The following MCPH1 variants were observed in gnomAD, a reference collection of about 807,000 sequenced individuals.
MCPH1 encodes microcephalin 1, also known as microcephalin.
A neutral mutation model predicts 84.5 loss-of-function variants in MCPH1; 104 were observed. That is an observed-to-expected ratio of 1.23 (90% CI 1.05 to 1.45). The LOEUF (loss-of-function observed/expected upper bound fraction) is 1.45, where lower values mean the gene tolerates loss of function less well. Ranked by LOEUF, MCPH1 falls within the 40% of genes most tolerant of loss-of-function variation. MCPH1 has a pLI of 0.00. For synonymous variants in MCPH1, 514 were observed against 366.8 expected (o/e 1.40, Z -4.58); for missense variants, 1,498 against 1,005.7 (o/e 1.49, Z -6.62).
chr8:6,423,379 A>G (rs1390600496), intron 3 of MCPH1, among the ~76,000 whole-genome samples: 1 of 146,924 alleles, frequency 6.8e-6, no homozygotes, highest in African/African-American at 2.5e-5. Context: ...GTTAGCCAGG[A>G]TGGTCTCCAT....
rs1238407220 is a variant in MCPH1 at position 6,646,400 on chromosome 8, A to T, written c.*3351A>T. 1 of 152,248 alleles carries T rather than the reference A, an allele frequency of 6.6e-6. No homozygotes were observed. 9.4% of individuals were successfully genotyped at this position (152,248 alleles called of 1,614,324 possible). On this transcript the variant is annotated 3_prime_UTR_variant, in exon 14 of 14. Transcript: ENST00000344683. ...AAGAACAAAAGTATCACATTGGCAT[A>T]AGAATAGACATGTAAATCAAATAAC...
chr8:6,553,090 G>T (rs1308039091), intron 12 of MCPH1, among the ~76,000 whole-genome samples: 1 of 152,074 alleles, frequency 6.6e-6, no homozygotes, highest in African/African-American at 2.4e-5. Context: ...GATGTCAACT[G>T]CGGGCTCTGG....
rs149953617 is a variant in MCPH1 at position 6,474,493 on chromosome 8, G to C, written c.1936-3101G>C. 1.7e-4 allele frequency among the ~76,000 whole-genome samples: 26 copies of C among 152,102 alleles called. 1 individual carries two copies. The highest frequency in any genetic ancestry group is 1.4e-3 in the Admixed American group (22 of 15,280). ...AAAAAAATTGCACCACTGCACTCCA[G>C]CTAGGGCAACAGAGCAAGACCCTGT... On this transcript the variant is annotated intron_variant, in intron 9 of 13. Transcript: ENST00000344683.
chr8:6,513,639 C>A, intron 12 of MCPH1: 1 of 1,579,438 alleles, frequency 6.3e-7, no homozygotes, highest in Non-Finnish European at 8.6e-7. Context: ...GGCCACAAAT[C>A]TTTTAATTTT....
chr8:6,436,099 A>G lies in MCPH1; in HGVS notation c.373A>G (p.Lys125Glu). Residue 125 changes from lysine (K) to glutamate (E), a missense_variant, in exon 5 of 14, where the codon AAG (lysine) becomes GAG (glutamate). Coordinates refer to ENST00000344683, the MANE Select transcript of MCPH1 (RefSeq NM_024596.5). Reference protein sequence around the residue: ...DFNFKTPENDKRFQKKFEKMA... With the variant: ...DFNFKTPENDERFQKKFEKMA... Reference sequence around the variant, plus strand: ...TAATTTTAAAACACCAGAAAATGATAAGAGATTTCAGAAGAAATTTGAGAA... The same window carrying G: ...TAATTTTAAAACACCAGAAAATGATGAGAGATTTCAGAAGAAATTTGAGAA... 2 of 1,613,804 alleles carry G rather than the reference A, an allele frequency of 1.2e-6. No homozygotes were observed. Among genetic ancestry groups the G allele is most frequent in the Non-Finnish European group, 8.5e-7 (1 of 1,179,766 alleles).
At chr8:6,453,562 T>G (rs773887061) in intron 8 of MCPH1, among the ~76,000 whole-genome samples, 3 of 152,172 alleles carry the variant, frequency 2.0e-5, no homozygotes, top group Non-Finnish European at 4.4e-5. Context: ...AGCTGCAAAT[T>G]TATTCATGAC....
At chr8:6,499,095 T>TAAATAAATA in intron 11 of MCPH1, among the ~76,000 whole-genome samples, 1 of 137,826 alleles carries the variant, frequency 7.3e-6, no homozygotes, top group East Asian at 2.0e-4. Context: ...AATAAATAAA[T>TAAATAAATA]AAATAAAATA....
intron 12 of MCPH1, among the ~76,000 whole-genome samples, chr8:6,582,138 G>A (rs942820035): frequency 6.6e-6 from 1 of 152,188 alleles, no homozygotes; most frequent in African/African-American, 2.4e-5. Context: ...ACGTCTGAGT[G>A]GGAACAGGGG....
chr8:6,571,711 T>TA (rs1344497635), intron 12 of MCPH1, among the ~76,000 whole-genome samples: 5 of 152,094 alleles, frequency 3.3e-5, no homozygotes, highest in African/African-American at 7.2e-5. Flanking sequence ...GTCAAAGAAG[T>TA]AAAAAAAAGT....
chr8:6,493,554 CCTTT>C (rs1283802161), intron 11 of MCPH1, among the ~76,000 whole-genome samples: 1 of 152,138 alleles, frequency 6.6e-6, no homozygotes, highest in Non-Finnish European at 1.5e-5. Flanking sequence ...GCTTCCTGCC[CCTTT>C]CTTTATGAGA....
intron 12 of MCPH1, among the ~76,000 whole-genome samples, chr8:6,524,797 A>T (rs1818021369): frequency 1.3e-5 from 2 of 152,256 alleles, no homozygotes; most frequent in South Asian, 4.1e-4. Flanking sequence ...AAGTTATCAC[A>T]GGGAATACAT....
At chr8:6,479,402 C>CTATTTATTTATTTATT (rs149984870) in intron 10 of MCPH1, among the ~76,000 whole-genome samples, 2 of 140,256 alleles carry the variant, frequency 1.4e-5, no homozygotes, top group Admixed American at 7.1e-5. Flanking sequence ...ATTTCTTTTT[C>CTATTTATTTATTTATT]TATTTATTTA....
chr8:6,608,357 T>G (rs1194505060), intron 12 of MCPH1, among the ~76,000 whole-genome samples: 1 of 152,236 alleles, frequency 6.6e-6, no homozygotes, highest in African/African-American at 2.4e-5. Context: ...TTGAGAATTG[T>G]AGCACTGTAT....
At chr8:6,419,152 G>GACACACACACACACACACAC (rs1177481281) in intron 3 of MCPH1, among the ~76,000 whole-genome samples, 1 of 59,276 alleles carries the variant, frequency 1.7e-5, no homozygotes, top group African/African-American at 4.7e-5. Context: ...CACACACACA[G>GACACACACACACACACACAC]ACACACACAC....
chr8:6,568,978 G>A (rs1331242315), intron 12 of MCPH1, among the ~76,000 whole-genome samples: 1 of 152,188 alleles, frequency 6.6e-6, no homozygotes, highest in Non-Finnish European at 1.5e-5. Flanking sequence ...GCCATTTGCA[G>A]ACAGAGGGGC....
chr8:6,479,161 G>A (rs1586014209), intron 10 of MCPH1, among the ~76,000 whole-genome samples: 1 of 152,098 alleles, frequency 6.6e-6, no homozygotes, highest in African/African-American at 2.4e-5. Context: ...CAACTACTTG[G>A]GAGGATAAGG....
chr8:6,484,051 T>C (rs559636505), intron 11 of MCPH1, among the ~76,000 whole-genome samples: 3 of 152,280 alleles, frequency 2.0e-5, no homozygotes, highest in African/African-American at 7.2e-5. Flanking sequence ...AAAAGCATGA[T>C]GAATAACAGA....
chr8:6,628,469 C>CAAA (rs34188003), intron 13 of MCPH1, among the ~76,000 whole-genome samples: 422 of 41,554 alleles, frequency 0.01, 13 homozygotes, highest in African/African-American at 0.029. Flanking sequence ...GACTCTGTCT[C>CAAA]AAAAAAAAAA....
intron 12 of MCPH1, among the ~76,000 whole-genome samples, chr8:6,546,770 C>T (rs539268823): frequency 6.6e-6 from 1 of 152,318 alleles, no homozygotes; most frequent in South Asian, 2.1e-4. Flanking sequence ...AACGTACCCT[C>T]TTCCTCCCCT....
Sources: allele counts gnomAD v4.1 joint callset (sites outside exome capture counted in the v4.1 genomes callset), GRCh38; gene constraint gnomAD v4.1.1; transcripts MANE v1.5; gene names NCBI Gene and HGNC (gene_info 2026-07-23, HGNC 2026-07-21).